The following MMS22L variants were observed in gnomAD, a reference collection of about 807,000 sequenced individuals.
MMS22L encodes the protein protein MMS22-like.
In MMS22L, 74 loss-of-function variants were observed where a neutral mutation model predicts 159.1. The observed-to-expected ratio is 0.47, with a 90% confidence interval of 0.39 to 0.56. The LOEUF (loss-of-function observed/expected upper bound fraction) is 0.56, where lower values mean the gene tolerates loss of function less well. MMS22L is among the 20% of genes least tolerant of loss of function. The probability of loss-of-function intolerance (pLI) is 0.00; values close to 1 mark genes in which losing one functional copy is unlikely to be tolerated. For synonymous variants in MMS22L, 517 were observed against 506.9 expected, an observed-to-expected ratio of 1.02 and a Z score of -0.27; for missense variants, 1,351 against 1,422.1, an observed-to-expected ratio of 0.95 and a Z score of 0.80.
At chr6:97,248,850 C>A (rs1415739093) in intron 10 of MMS22L, among the ~76,000 whole-genome samples, 2 of 149,950 alleles carry the variant, frequency 1.3e-5, no homozygotes, top group African/African-American at 4.9e-5. Flanking sequence ...CAGAGGGAGA[C>A]TTTGTCTCAA....
At chr6:97,221,790 T>C (rs1809683146) in intron 14 of MMS22L, among the ~76,000 whole-genome samples, 1 of 151,956 alleles carries the variant, frequency 6.6e-6, no homozygotes. Flanking sequence ...TCCCAAAAAT[T>C]ATTAGAACAC....
At chr6:97,244,836 C>T (rs1198983787) in intron 11 of MMS22L, among the ~76,000 whole-genome samples, 1 of 152,102 alleles carries the variant, frequency 6.6e-6, no homozygotes, top group Non-Finnish European at 1.5e-5. Context: ...CATGGCTGAG[C>T]TCAGACTCTC....
intron 14 of MMS22L, among the ~76,000 whole-genome samples, chr6:97,198,816 C>T (rs1806822548): frequency 6.6e-6 from 1 of 152,102 alleles, no homozygotes; most frequent in South Asian, 2.1e-4. Context: ...AGAAAAACTA[C>T]TTTATTTTTC....
intron 13 of MMS22L, 72 bp downstream of exon 13, chr6:97,231,354 T>C (rs1411403353): frequency 1.8e-6 from 2 of 1,120,380 alleles, no homozygotes; most frequent in Non-Finnish European, 2.6e-6. Flanking sequence ...CAAGTAAACA[T>C]AACAAAATAC....
intron 11 of MMS22L, among the ~76,000 whole-genome samples, chr6:97,239,221 G>A (rs1811791435): frequency 6.6e-6 from 1 of 152,014 alleles, no homozygotes; most frequent in African/African-American, 2.4e-5. Context: ...ATCACATTCT[G>A]AGTTGGTTCT....
chr6:97,275,408 T>A (rs1816156105), intron 4 of MMS22L, among the ~76,000 whole-genome samples: 1 of 152,174 alleles, frequency 6.6e-6, no homozygotes, highest in African/African-American at 2.4e-5. Flanking sequence ...GTGCCTGTAA[T>A]CCCAGCTACT....
intron 18 of MMS22L, among the ~76,000 whole-genome samples, 191 bp downstream of exon 18, chr6:97,178,252 C>A (rs1804322540): frequency 6.6e-6 from 1 of 152,054 alleles, no homozygotes; most frequent in Admixed American, 6.6e-5. Context: ...TTTCTGCTGT[C>A]CTTAAGTGTG....
At chr6:97,273,156 A>G (rs1815923640) in intron 4 of MMS22L, 94 bp from the exon 5 acceptor site, 1 of 909,632 alleles carries the variant, frequency 1.1e-6, no homozygotes, top group African/African-American at 1.7e-5. Context: ...GCAATTCTCT[A>G]TCTTGTAACA....
chr6:97,197,337 T>TG (rs932988017), intron 14 of MMS22L, among the ~76,000 whole-genome samples: 2 of 152,118 alleles, frequency 1.3e-5, no homozygotes, highest in Non-Finnish European at 2.9e-5. Flanking sequence ...AGCAAGTGTG[T>TG]GGGTACAACG....
At chr6:97,227,049 C>A (rs1295267299) in intron 14 of MMS22L, among the ~76,000 whole-genome samples, 1 of 152,002 alleles carries the variant, frequency 6.6e-6, no homozygotes, top group Non-Finnish European at 1.5e-5. Context: ...TTTTGTCCCC[C>A]ATTTGTAAAA....
chr6:97,278,108 C>G (rs1034333166), intron 4 of MMS22L, among the ~76,000 whole-genome samples: 1 of 152,116 alleles, frequency 6.6e-6, no homozygotes, highest in African/African-American at 2.4e-5. Flanking sequence ...CTTCAATTCC[C>G]TTTATTACCT....
chr6:97,218,230 C>A (rs1809242327), intron 14 of MMS22L, among the ~76,000 whole-genome samples: 1 of 152,168 alleles, frequency 6.6e-6, no homozygotes. Context: ...GTCCCTTCTA[C>A]CCATGGGTAC....
intron 20 of MMS22L, among the ~76,000 whole-genome samples, chr6:97,166,536 G>A (rs562679848): frequency 1.4e-5 from 2 of 142,158 alleles, no homozygotes; most frequent in Admixed American, 6.9e-5. Flanking sequence ...CAACCCACCC[G>A]CCACCACCAA....
At chr6:97,248,017 T>C (rs920896735) in intron 10 of MMS22L, among the ~76,000 whole-genome samples, 3 of 152,228 alleles carry the variant, frequency 2.0e-5, no homozygotes, top group Non-Finnish European at 4.4e-5. Flanking sequence ...GTGACCTTTG[T>C]CTCCTGGAAT....
chr6:97,215,494 C>T (rs963974990), intron 14 of MMS22L, among the ~76,000 whole-genome samples: 1 of 152,192 alleles, frequency 6.6e-6, no homozygotes, highest in African/African-American at 2.4e-5. Context: ...TCTAATGCTG[C>T]ATTTGCACAC....
intron 8 of MMS22L, chr6:97,266,465 A>T (rs1003857347): frequency 6.6e-6 from 1 of 152,224 alleles, no homozygotes; most frequent in Non-Finnish European, 1.5e-5. Flanking sequence ...TTATATACAC[A>T]ATGGAATACA....
intron 18 of MMS22L, 67 bp downstream of exon 18, chr6:97,178,376 T>C: frequency 8.4e-7 from 1 of 1,188,928 alleles, no homozygotes; most frequent in Middle Eastern, 2.1e-4. Context: ...ACTTTAAGAA[T>C]ACTTCAGGTT....
chr6:97,234,019 T>G (rs571087724), intron 11 of MMS22L, 39 bp from the exon 12 acceptor site: 1 of 1,583,544 alleles, frequency 6.3e-7, no homozygotes, highest in East Asian at 2.3e-5. Context: ...GTAAATGGGC[T>G]CTGGCAATAT....
intron 10 of MMS22L, among the ~76,000 whole-genome samples, chr6:97,252,747 A>T (rs1260706812): frequency 1.3e-5 from 2 of 152,166 alleles, no homozygotes; most frequent in African/African-American, 4.8e-5. Flanking sequence ...CACTTAACTA[A>T]TTGCCATACT....
Sources: gnomAD v4.1 joint callset for allele counts (sites outside exome capture counted in the v4.1 genomes callset) on GRCh38, gnomAD v4.1.1 for gene constraint, MANE v1.5 for transcripts, NCBI Gene and HGNC (gene_info 2026-07-23, HGNC 2026-07-21) for gene names.